Variants in SGCZ observed in about 807,000 individuals in gnomAD.
SGCZ encodes sarcoglycan zeta, also known as zeta-sarcoglycan.
A neutral mutation model predicts 41.3 loss-of-function variants in SGCZ; 40 were observed. The observed-to-expected ratio is 0.97, with a 90% CI of 0.75 to 1.26. The LOEUF (loss-of-function observed/expected upper bound fraction) is 1.26, where lower values mean the gene tolerates loss of function less well. Among genes scored for constraint, SGCZ ranks in the 50% most tolerant of loss-of-function variants. SGCZ has a pLI of 0.00. For synonymous variants in SGCZ, 206 were observed against 137.5 expected (o/e 1.50, Z -3.49); for missense variants, 552 against 369.8 (o/e 1.49, Z -4.04).
At chr8:14,615,039 A>G (rs1431794304) in intron 1 of SGCZ, among the ~76,000 whole-genome samples, 1 of 152,106 alleles carries the variant, frequency 6.6e-6, no homozygotes, top group African/African-American at 2.4e-5. Context: ...AGCTTGTTAC[A>G]AAAAGATTAA....
At chr8:14,586,312 CAA>C (rs1805055989) in intron 1 of SGCZ, among the ~76,000 whole-genome samples, 1 of 152,036 alleles carries the variant, frequency 6.6e-6, no homozygotes, top group African/African-American at 2.4e-5. Context: ...CTCCTGGGCT[CAA>C]GTGATTCTTG....
chr8:15,161,715 G>T (rs1353238062), intron 1 of SGCZ, among the ~76,000 whole-genome samples: 1 of 152,156 alleles, frequency 6.6e-6, no homozygotes, highest in African/African-American at 2.4e-5. Context: ...ATACAAATAA[G>T]TCACATCAAA....
chr8:14,884,624 G>T (rs1804722852), intron 1 of SGCZ, among the ~76,000 whole-genome samples: 1 of 151,884 alleles, frequency 6.6e-6, no homozygotes, highest in Non-Finnish European at 1.5e-5. Context: ...TCTGGATGCA[G>T]AAAAAATATG....
chr8:14,296,050 A>G (rs573302864), intron 3 of SGCZ, among the ~76,000 whole-genome samples: 5 of 152,224 alleles, frequency 3.3e-5, no homozygotes, highest in African/African-American at 1.2e-4. Context: ...CACTCCACTG[A>G]ATACCCAGAG....
chr8:14,425,980 A>T (rs13271129), intron 2 of SGCZ, among the ~76,000 whole-genome samples: 1 of 151,912 alleles, frequency 6.6e-6, no homozygotes, highest in Non-Finnish European at 1.5e-5. Flanking sequence ...TAAAGCACTT[A>T]TGTACCTAAA....
intron 1 of SGCZ, among the ~76,000 whole-genome samples, chr8:14,948,907 C>T (rs1298487484): frequency 6.6e-6 from 1 of 151,698 alleles, no homozygotes; most frequent in South Asian, 2.1e-4. Context: ...CAAAATTCCC[C>T]TTGAAAGCCA....
intron 1 of SGCZ, among the ~76,000 whole-genome samples, chr8:15,212,108 ATC>A (rs1292075258): frequency 6.6e-6 from 1 of 152,160 alleles, no homozygotes; most frequent in East Asian, 1.9e-4. Flanking sequence ...TGACTATGGG[ATC>A]TCAAGAAACG....
At chr8:14,520,036 C>T (rs1183255686) in intron 2 of SGCZ, among the ~76,000 whole-genome samples, 1 of 151,716 alleles carries the variant, frequency 6.6e-6, no homozygotes, top group Non-Finnish European at 1.5e-5. Flanking sequence ...TATATTTAAC[C>T]ATGAGAAATA....
intron 2 of SGCZ, among the ~76,000 whole-genome samples, chr8:14,503,930 G>C (rs1316504819): frequency 1.3e-5 from 2 of 152,108 alleles, no homozygotes; most frequent in Non-Finnish European, 2.9e-5. Flanking sequence ...TTGTGCAGTT[G>C]AAAATGAAAT....
At chr8:14,200,989 T>A (rs1805437091) in intron 4 of SGCZ, among the ~76,000 whole-genome samples, 1 of 152,114 alleles carries the variant, frequency 6.6e-6, no homozygotes, top group African/African-American at 2.4e-5. Context: ...TGCAAACAGA[T>A]ATTGCATTAA....
chr8:14,234,051 G>C (rs1057192628), intron 4 of SGCZ, among the ~76,000 whole-genome samples: 7 of 151,934 alleles, frequency 4.6e-5, no homozygotes, highest in Admixed American at 6.6e-5. Context: ...TAGAATCCTA[G>C]ACTTAGTGGG....
intron 5 of SGCZ, among the ~76,000 whole-genome samples, chr8:14,127,745 C>T (rs540069602): frequency 2.6e-5 from 4 of 152,264 alleles, no homozygotes; most frequent in South Asian, 2.1e-4. Context: ...CATGAGCCAC[C>T]GCGCCTGGCC....
chr8:14,821,813 A>C (rs1281068515), intron 1 of SGCZ, among the ~76,000 whole-genome samples: 1 of 152,118 alleles, frequency 6.6e-6, no homozygotes, highest in African/African-American at 2.4e-5. Flanking sequence ...AATGGCAAAT[A>C]ACACAATAAA....
intron 6 of SGCZ, among the ~76,000 whole-genome samples, chr8:14,107,241 A>T (rs1228482536): frequency 3.9e-5 from 3 of 75,982 alleles, no homozygotes; most frequent in African/African-American, 9.4e-5. Flanking sequence ...AAAATAAATA[A>T]AAAAAAAAAA....
chr8:15,074,655 C>G (rs1805466403), intron 1 of SGCZ, among the ~76,000 whole-genome samples: 1 of 151,892 alleles, frequency 6.6e-6, no homozygotes. Flanking sequence ...GTCGTTTATT[C>G]TGCAGTCATA....
intron 7 of SGCZ, among the ~76,000 whole-genome samples, chr8:14,095,667 G>C (rs1332276971): frequency 6.6e-6 from 1 of 152,154 alleles, no homozygotes; most frequent in Non-Finnish European, 1.5e-5. Flanking sequence ...GATGGGGATA[G>C]CATTGAATCT....
At chr8:14,861,315 T>G (rs1803739287) in intron 1 of SGCZ, among the ~76,000 whole-genome samples, 1 of 152,124 alleles carries the variant, frequency 6.6e-6, no homozygotes, top group African/African-American at 2.4e-5. Flanking sequence ...TTTAGGTCCT[T>G]CCTGAAATTG....
intron 1 of SGCZ, among the ~76,000 whole-genome samples, chr8:14,844,556 C>T (rs1002360591): frequency 5.3e-5 from 8 of 152,138 alleles, no homozygotes; most frequent in Non-Finnish European, 1.2e-4. Flanking sequence ...AGTATGCGGG[C>T]TCCTCTCATC....
At chr8:14,269,595 G>T (rs531392914) in intron 3 of SGCZ, among the ~76,000 whole-genome samples, 6 of 152,144 alleles carry the variant, frequency 3.9e-5, no homozygotes, top group African/African-American at 1.4e-4. Context: ...AGTGATTTAT[G>T]TGACCCAGAT....
Sources: allele counts gnomAD v4.1 joint callset (sites outside exome capture counted in the v4.1 genomes callset), GRCh38; gene constraint gnomAD v4.1.1; transcripts MANE v1.5; gene names NCBI Gene and HGNC (gene_info 2026-07-23, HGNC 2026-07-21).